INTS6: variants seen among roughly 807,000 people sequenced by gnomAD.
The protein encoded by INTS6 is integrator complex subunit 6, also known as DEAD box protein.
In INTS6, 16 loss-of-function variants were observed where a neutral mutation model predicts 104.9. The observed-to-expected ratio is 0.15, with a 90% confidence interval of 0.10 to 0.23. The LOEUF is 0.23. INTS6 is among the 10% of genes least tolerant of loss of function. The probability of loss-of-function intolerance (pLI) is 1.00; values close to 1 mark genes in which losing one functional copy is unlikely to be tolerated. For synonymous variants in INTS6, 324 were observed against 358.7 expected, an observed-to-expected ratio of 0.90 and a Z score of 1.09; for missense variants, 584 against 1,062.8, an observed-to-expected ratio of 0.55 and a Z score of 6.26.
rs35562726 is a variant in INTS6, at chr13:51,372,305, G to GTTT, written c.2104+1900_2104+1902dup. On this transcript the variant is annotated intron_variant, in intron 15 of 17. Coordinates refer to ENST00000311234, the MANE Select transcript of INTS6 (RefSeq NM_012141.3). ...TCTTTCCATTTCTCTTGATTGAACAGTTTTTTTTTTTTTTTTAAAGTATTT... is the reference window on the plus strand; with the variant it reads ...TCTTTCCATTTCTCTTGATTGAACAGTTTTTTTTTTTTTTTTTTTAAAGTATTT... Among the ~76,000 whole-genome samples, 4 of 139,174 alleles carry GTTT rather than the reference G, an allele frequency of 2.9e-5. No homozygotes were observed. The East Asian group carries it at 7.1e-4, about 25-fold the overall frequency. 91.3% of individuals were successfully genotyped at this position (139,174 alleles called of 152,430 possible). A position where few individuals can be genotyped will look rare whatever the true frequency, so the allele number is the denominator to read the frequency against.
chr13:51,369,483 T>C (rs1955762888), intron 15 of INTS6, among the ~76,000 whole-genome samples, 173 bp from the exon 16 acceptor site: 1 of 152,222 alleles, frequency 6.6e-6, no homozygotes, highest in African/African-American at 2.4e-5. Context: ...TAGATTTCAA[T>C]GTGACACATA....
At chr13:51,430,895 T>C (rs752062333) in intron 3 of INTS6, among the ~76,000 whole-genome samples, 1 of 152,168 alleles carries the variant, frequency 6.6e-6, no homozygotes, top group South Asian at 2.1e-4. Context: ...TCTATGGAAA[T>C]AGTAGAGCTA....
intron 3 of INTS6, chr13:51,449,256 GAATT>G (rs1952986146): frequency 1.3e-5 from 2 of 153,224 alleles, no homozygotes; most frequent in South Asian, 2.1e-4. Flanking sequence ...CTCTGTTATT[GAATT>G]AATAAATCCT....
intron 3 of INTS6, among the ~76,000 whole-genome samples, chr13:51,433,244 G>A (rs1379204668): frequency 2.0e-5 from 3 of 152,104 alleles, no homozygotes; most frequent in Non-Finnish European, 2.9e-5. Context: ...AGGACTGCGA[G>A]ACCAGTCTAG....
At chr13:51,379,413 C>G in intron 11 of INTS6, 49 bp downstream of exon 11, 1 of 1,144,388 alleles carries the variant, frequency 8.7e-7, no homozygotes, top group Non-Finnish European at 1.3e-6. Context: ...ACCATCCTAG[C>G]CAAAACCATT....
chr13:51,400,608 C>T (rs112934058), intron 4 of INTS6, among the ~76,000 whole-genome samples: 12 of 152,040 alleles, frequency 7.9e-5, no homozygotes, highest in African/African-American at 2.7e-4. Flanking sequence ...TGACTGTACA[C>T]GTGGTAGTCT....
intron 3 of INTS6, chr13:51,436,693 T>G (rs1322708654): frequency 6.6e-6 from 1 of 152,136 alleles, no homozygotes; most frequent in Non-Finnish European, 1.5e-5. Context: ...TTAGGGAAAT[T>G]CAATAATTGA....
intron 4 of INTS6, among the ~76,000 whole-genome samples, chr13:51,406,131 T>C (rs1237895541): frequency 6.6e-6 from 1 of 152,180 alleles, no homozygotes; most frequent in Non-Finnish European, 1.5e-5. Flanking sequence ...AACTAGTAAG[T>C]GCTGCAGATC....
At chr13:51,407,097 T>C (rs1314767646) in intron 4 of INTS6, among the ~76,000 whole-genome samples, 3 of 152,098 alleles carry the variant, frequency 2.0e-5, no homozygotes, top group African/African-American at 7.2e-5. Flanking sequence ...AAAAAAGCCT[T>C]TGTACATGCT....
At chr13:51,334,927 G>A in the INTS6 span, among the ~76,000 whole-genome samples, 2 of 146,238 alleles carry the variant, frequency 1.4e-5, no homozygotes, top group East Asian at 4.1e-4. Context: ...AGGTTGCAGT[G>A]AGCTGAGATC....
At chr13:51,336,199 T>C in the INTS6 span, among the ~76,000 whole-genome samples, 1,150 of 152,312 alleles carry the variant, frequency 7.6e-3, 15 homozygotes, top group African/African-American at 0.026. Context: ...TTTAAAAACA[T>C]ACTTCCAGTT....
Position 51,452,605 on chromosome 13 carries a change from C to G in INTS6, c.-80G>C. 1 of 1,552,998 alleles carries G rather than the reference C, an allele frequency of 6.4e-7. No individual in the cohort carries two copies. ...AGGTGGAGGCGCCGGTGGCGGCGAC[C>G]GCCGCTACGCGGGGCGGGGGAGCAC... is the stretch of plus-strand genomic sequence containing the variant. On this transcript the variant is annotated 5_prime_UTR_variant, in exon 1 of 18. Transcript: ENST00000311234. The surrounding 1 kb of genome is among the most constrained non-coding windows in gnomAD (Gnocchi z 4.2).
the INTS6 span, among the ~76,000 whole-genome samples, chr13:51,335,020 G>A: frequency 2.7e-5 from 4 of 150,900 alleles, no homozygotes; most frequent in African/African-American, 4.9e-5. Flanking sequence ...TTTTAAAGCC[G>A]TAGTTATGAA....
In INTS6 at chr13:51,364,606, G is replaced by C. The variant is rs1248906859; in HGVS notation, c.*1146C>G. 2 of 211,516 alleles carry C rather than the reference G, an allele frequency of 9.5e-6. No individual in the cohort carries two copies. The highest frequency in any genetic ancestry group is 1.9e-5 in the Non-Finnish European group (2 of 108,002). 13.1% of individuals were successfully genotyped at this position (211,516 alleles called of 1,614,324 possible). ...GATACTCTAGGCCATGTTGAATTGA[G>C]GGTGGAGAATGAATAGCGTGGTTTT... On this transcript the variant is annotated 3_prime_UTR_variant, in exon 18 of 18. Transcript: ENST00000311234.
Position 51,451,117 on chromosome 13 carries a change from C to T in INTS6, c.247G>A (p.Glu83Lys), listed in dbSNP as rs1953033181. The T allele has an allele frequency of 6.3e-7, 1 of 1,582,262 alleles. No individual in the cohort carries two copies. Among genetic ancestry groups the T allele is most frequent in the Non-Finnish European group, 8.6e-7 (1 of 1,166,626 alleles). Residue 83 changes from glutamate to lysine, a missense_variant, in exon 3 of 18, where the codon GAA becomes AAA. Glu to Lys is a moderately conservative substitution (Grantham distance 56). Coordinates refer to ENST00000311234, the MANE Select transcript of INTS6 (RefSeq NM_012141.3). ...GATTGGCCAAGAGTCGTAAGTCCTT[C>T]AGCCTGAAGGTTTTTCAATTCATTC... ...FMNELKNLQA[E>K]GLTTLGQSLR... is the part of the protein sequence containing the mutation.
At chr13:51,357,526 A>C (rs752806256), downstream of INTS6, among the ~76,000 whole-genome samples, 3 of 152,132 alleles carry the variant, frequency 2.0e-5, no homozygotes, top group Non-Finnish European at 2.9e-5. Flanking sequence ...TCGGTCCCAA[A>C]GCCCAGAATC....
intron 16 of INTS6, among the ~76,000 whole-genome samples, 166 bp from the exon 17 acceptor site, chr13:51,368,064 AG>A (rs1358837868): frequency 1.3e-5 from 2 of 152,164 alleles, no homozygotes; most frequent in African/African-American, 4.8e-5. Context: ...TATATGTAAA[AG>A]TAAGTACACA....
At chr13:51,416,222 G>A (rs1055963893) in intron 4 of INTS6, among the ~76,000 whole-genome samples, 2 of 152,164 alleles carry the variant, frequency 1.3e-5, no homozygotes, top group Non-Finnish European at 2.9e-5. Context: ...AGGCACCAGA[G>A]AGGAAAATAG....
At chr13:51,367,733 T>C in intron 17 of INTS6, 72 bp downstream of exon 17, 3 of 794,856 alleles carry the variant, frequency 3.8e-6, no homozygotes, top group Non-Finnish European at 6.3e-6. Flanking sequence ...AAACGGATAC[T>C]ATTAAAATAC....
Sources: gnomAD v4.1 joint callset for allele counts (sites outside exome capture counted in the v4.1 genomes callset) on GRCh38, gnomAD v4.1.1 for gene constraint, Gnocchi (gnomAD v3.1) non-coding constraint, MANE v1.5 for transcripts, NCBI Gene and HGNC (gene_info 2026-07-23, HGNC 2026-07-21) for gene names.